The following ASB3 variants were observed in gnomAD, a reference collection of about 807,000 sequenced individuals.
ASB3 encodes ankyrin repeat and SOCS box containing 3, also known as ankyrin repeat and SOCS box protein 3.
A neutral mutation model predicts 54.5 loss-of-function variants in ASB3; 41 were observed. The ratio of observed to expected loss-of-function variants is 0.75; its 90% CI spans 0.59 to 0.98. ASB3 has a LOEUF of 0.98. Among genes scored for constraint, ASB3 ranks in the 50% least tolerant of loss-of-function variants. The pLI is 0.00. For synonymous variants in ASB3, 266 were observed against 221.2 expected (o/e 1.20, Z -1.80); for missense variants, 733 against 620.0 (o/e 1.18, Z -1.94).
intron 1 of ASB3, chr2:53,768,160 T>C (rs1019407177): frequency 3.0e-6 from 3 of 1,014,284 alleles, no homozygotes; most frequent in Non-Finnish European, 4.1e-6. Context: ...AACATTTCTG[T>C]AGATTTTCCC....
chr2:53,777,880 C>T (rs1423334014), intron 1 of ASB3, among the ~76,000 whole-genome samples: 1 of 152,110 alleles, frequency 6.6e-6, no homozygotes, highest in Non-Finnish European at 1.5e-5. Flanking sequence ...GGTGTGGTAG[C>T]TAACGCCTGT....
At chr2:53,743,165 T>TTG (rs1491129912) in intron 3 of ASB3, among the ~76,000 whole-genome samples, 1 of 25,256 alleles carries the variant, frequency 4.0e-5, no homozygotes, top group East Asian at 5.2e-4. Flanking sequence ...TTTTTTTACC[T>TTG]TTTTTTTTTT....
chr2:53,729,558 C>G lies in ASB3; in HGVS notation c.368G>C (p.Gly123Ala). Reference protein sequence around the residue: ...TTPLFLAVENGQIDVLRLLLQ... With the variant: ...TTPLFLAVENAQIDVLRLLLQ... ...CAACAGCCTTAACACATCTATCTGT[C>G]CATTTTCAACAGCTGTAATACAGCA... The change falls in exon 4 of 10, where the codon GGA (glycine) becomes GCA (alanine). Residue 123 changes from glycine (G) to alanine (A), a missense_variant. Gly to Ala is a moderately conservative substitution (Grantham distance 60). Transcript: ENST00000263634. 6.2e-7 allele frequency: 1 copy of G among 1,613,678 alleles called. No individual in the cohort carries two copies. The highest frequency in any genetic ancestry group is 8.5e-7 in the Non-Finnish European group (1 of 1,179,702).
intron 7 of ASB3, among the ~76,000 whole-genome samples, chr2:53,705,302 T>G (rs972302071): frequency 6.6e-6 from 1 of 152,350 alleles, no homozygotes; most frequent in African/African-American, 2.4e-5. Flanking sequence ...ATCGCTCATA[T>G]GCCCTTTCGA....
chr2:53,719,491 C>A (rs748931061), intron 5 of ASB3, among the ~76,000 whole-genome samples: 2 of 152,152 alleles, frequency 1.3e-5, no homozygotes, highest in South Asian at 4.1e-4. Context: ...AACTCCTCTG[C>A]GACCAGAGAC....
In ASB3 at chr2:53,750,220, G is replaced by A. The variant is rs562490610; in HGVS notation, c.355+563C>T. ...AATGTCCCTGAAGACAAATAGAATC[G>A]AATAGAAAAAAGGAGGAAAAGAAGA... On this transcript the variant is annotated intron_variant, in intron 3 of 9. Transcript: ENST00000263634. Among the ~76,000 whole-genome samples the A allele has an allele frequency of 5.3e-5, 8 of 151,940 alleles. No individual in the cohort carries two copies. In the South Asian group the frequency reaches 1.7e-3, roughly 32 times the overall value.
intron 7 of ASB3, among the ~76,000 whole-genome samples, chr2:53,708,752 C>T (rs983022147): frequency 6.6e-6 from 1 of 152,186 alleles, no homozygotes; most frequent in Admixed American, 6.5e-5. Context: ...AGCAAAGAAC[C>T]TGAATGCACT....
intron 1 of ASB3, among the ~76,000 whole-genome samples, chr2:53,769,061 T>C (rs982899254): frequency 2.0e-5 from 3 of 152,236 alleles, no homozygotes; most frequent in African/African-American, 7.2e-5. Context: ...ACTGGCCTAT[T>C]GGGATGTTGG....
At chr2:53,687,516 C>G (rs934991721) in intron 9 of ASB3, among the ~76,000 whole-genome samples, 4 of 152,172 alleles carry the variant, frequency 2.6e-5, no homozygotes, top group Non-Finnish European at 4.4e-5. Context: ...GGAAATGAAT[C>G]TAGAGTTAAG....
In ASB3 at chr2:53,700,384, G is replaced by A. The variant is rs1293987012; in HGVS notation, c.1125C>T (p.Asn375=). ...LRKGCSLGPW[N]HIYEFVNHAI... Reference sequence around the variant, plus strand: ...CATGATTTACAAATTCATATATATGGTTCCATGGTCCCAATGAGCAACCTT... The same window carrying A: ...CATGATTTACAAATTCATATATATGATTCCATGGTCCCAATGAGCAACCTT... The change falls in exon 8 of 10, where the codon AAC becomes AAT. Residue 375 remains asparagine (N), a synonymous_variant. Coordinates refer to ENST00000263634, the MANE Select transcript of ASB3 (RefSeq NM_016115.5). 4 of 1,613,848 alleles carry A rather than the reference G, an allele frequency of 2.5e-6. No individual in the cohort carries two copies. Among genetic ancestry groups the A allele is most frequent in the Non-Finnish European group, 2.5e-6 (3 of 1,180,006 alleles).
chr2:53,776,178 A>T (rs539276171), intron 1 of ASB3, among the ~76,000 whole-genome samples: 1 of 152,280 alleles, frequency 6.6e-6, no homozygotes, highest in Admixed American at 6.5e-5. Context: ...TGTCCTTTTC[A>T]TGTTTTCCTA....
At chr2:53,769,563 C>T (rs1430232193) in intron 1 of ASB3, among the ~76,000 whole-genome samples, 5 of 152,222 alleles carry the variant, frequency 3.3e-5, no homozygotes. Context: ...GAGAAAGGGG[C>T]TGGCCAGGCG....
intron 2 of ASB3, among the ~76,000 whole-genome samples, chr2:53,758,831 G>T (rs1176822271): frequency 1.3e-5 from 2 of 152,044 alleles, no homozygotes; most frequent in Admixed American, 1.3e-4. Context: ...TTTTCAGATG[G>T]GACATGTTCC....
intron 5 of ASB3, among the ~76,000 whole-genome samples, chr2:53,722,577 A>G (rs1431668167): frequency 6.6e-6 from 1 of 152,212 alleles, no homozygotes; most frequent in African/African-American, 2.4e-5. Context: ...AACCAAAACT[A>G]TATGATCATC....
At chr2:53,721,859 G>T (rs1317961886) in intron 5 of ASB3, among the ~76,000 whole-genome samples, 1 of 152,044 alleles carries the variant, frequency 6.6e-6, no homozygotes, top group African/African-American at 2.4e-5. Flanking sequence ...GGAACTGAAT[G>T]AAATTGAGAC....
chr2:53,774,151 T>C (rs1298493065), intron 1 of ASB3: 2 of 1,604,530 alleles, frequency 1.2e-6, no homozygotes, highest in African/African-American at 2.7e-5. Context: ...GGGATGTGTA[T>C]GGGGTGTTGC....
Position 53,694,012 on chromosome 2 carries a change from A to T in ASB3, c.1241T>A (p.Ile414Asn). 8.1e-6 allele frequency: 13 copies of T among 1,612,764 alleles called. No homozygotes were observed. The highest frequency in any genetic ancestry group is 1.1e-5 in the Non-Finnish European group (13 of 1,179,232). ...DPLILLCNSWIDSVSIDTLIF... is the reference protein window; with the variant it reads ...DPLILLCNSWNDSVSIDTLIF... ...AAGGGTGTCAATGCTGACTGAGTCA[A>T]TCCTATGTTAGCAAGATGTTAATAT... Residue 414 changes from isoleucine (I) to asparagine (N), a missense_variant and splice_region_variant, in exon 9 of 10, where the codon ATT becomes AAT. Transcript: ENST00000263634.
chr2:53,750,678 A>G, intron 3 of ASB3, 105 bp downstream of exon 3: 2 of 1,247,186 alleles, frequency 1.6e-6, no homozygotes, highest in Non-Finnish European at 2.1e-6. Flanking sequence ...TAGTTGCCAA[A>G]AGAACATACT....
At chr2:53,752,247 T>C (rs1393913446) in intron 2 of ASB3, among the ~76,000 whole-genome samples, 3 of 152,198 alleles carry the variant, frequency 2.0e-5, no homozygotes, top group Non-Finnish European at 2.9e-5. Context: ...TCTAGGGTAG[T>C]GATGCAGGAT....
Sources: allele counts gnomAD v4.1 joint callset (sites outside exome capture counted in the v4.1 genomes callset), GRCh38; gene constraint gnomAD v4.1.1; transcripts MANE v1.5; gene names NCBI Gene and HGNC (gene_info 2026-07-23, HGNC 2026-07-21).